PCSK2: variants seen among roughly 807,000 people sequenced by gnomAD.
The protein encoded by PCSK2 is neuroendocrine convertase 2.
In PCSK2, 14 loss-of-function variants were observed where a neutral mutation model predicts 69.7. That is an observed-to-expected ratio of 0.20 (90% confidence interval 0.13 to 0.31). PCSK2 has a LOEUF of 0.31. Among genes scored for constraint, PCSK2 ranks in the 10% least tolerant of loss-of-function variants. The pLI is 1.00. For synonymous variants in PCSK2, 307 were observed against 320.7 expected (o/e 0.96, Z 0.46); for missense variants, 544 against 842.5 (o/e 0.65, Z 4.39).
intron 2 of PCSK2, among the ~76,000 whole-genome samples, chr20:17,271,448 A>G (rs1183481627): frequency 6.6e-6 from 1 of 152,144 alleles, no homozygotes; most frequent in Non-Finnish European, 1.5e-5. Flanking sequence ...TCTTTAGCCT[A>G]GTCAATCAGT....
At chr20:17,429,379 G>A in intron 6 of PCSK2, 56 bp from the exon 7 acceptor site, 1 of 1,299,050 alleles carries the variant, frequency 7.7e-7, no homozygotes, top group African/African-American at 1.5e-5. Context: ...GCCCATGAGA[G>A]ATCTAGCCAA....
chr20:17,440,248 C>T (rs191530893), intron 8 of PCSK2, among the ~76,000 whole-genome samples: 5 of 152,272 alleles, frequency 3.3e-5, no homozygotes, highest in South Asian at 2.1e-4. Context: ...AAAACCTCAG[C>T]GCCTCCTCCC....
chr20:17,325,962 C>T (rs888638998), intron 2 of PCSK2, among the ~76,000 whole-genome samples: 2 of 152,260 alleles, frequency 1.3e-5, no homozygotes, highest in African/African-American at 4.8e-5. Context: ...GGGGCCTAGC[C>T]CAGGCATATT....
chr20:17,404,901 G>T (rs545367081), intron 5 of PCSK2, among the ~76,000 whole-genome samples: 1 of 152,194 alleles, frequency 6.6e-6, no homozygotes, highest in South Asian at 2.1e-4. Flanking sequence ...CAAAAGCAGC[G>T]ACTGGCAATT....
In PCSK2 at chr20:17,481,879, G is replaced by C. The variant is rs528344186; in HGVS notation, c.1726G>C (p.Gly576Arg). 6.2e-7 allele frequency: 1 copy of C among 1,614,016 alleles called. No homozygotes were observed. The change falls in exon 12 of 12, where the codon GGC becomes CGC. Residue 576 changes from glycine to arginine, a missense_variant. Physicochemically the swap from Gly to Arg is moderately radical, Grantham distance 125. Coordinates refer to ENST00000262545, the MANE Select transcript of PCSK2 (RefSeq NM_002594.5). ...CTGGACCCTGGAGCTGGGATTTGTCGGCAGCGCCCCGCAGAAGGGGGTGCT... is the reference window on the plus strand; with the variant it reads ...CTGGACCCTGGAGCTGGGATTTGTCCGCAGCGCCCCGCAGAAGGGGGTGCT... Reference protein sequence around the residue: ...GTWTLELGFVGSAPQKGVLKE... With the variant: ...GTWTLELGFVRSAPQKGVLKE...
intron 1 of PCSK2, among the ~76,000 whole-genome samples, chr20:17,238,729 TG>T (rs1311542892): frequency 2.6e-5 from 4 of 152,200 alleles, no homozygotes; most frequent in Admixed American, 6.5e-5. Flanking sequence ...TTTTTTGGTT[TG>T]TTTTTTTACC....
chr20:17,479,816 A>C (rs76704634), intron 11 of PCSK2, among the ~76,000 whole-genome samples: 1 of 139,866 alleles, frequency 7.1e-6, no homozygotes, highest in Non-Finnish European at 1.6e-5. Flanking sequence ...AAAAAAAAAA[A>C]AAAAAGAACT....
chr20:17,417,021 A>AGGGGGTGTGGCAGACT (rs1349340780), intron 6 of PCSK2, among the ~76,000 whole-genome samples: 4 of 152,066 alleles, frequency 2.6e-5, no homozygotes, highest in African/African-American at 9.7e-5. Context: ...AGGGCCTGTC[A>AGGGGGTGTGGCAGACT]GGGGGTGTGG....
chr20:17,325,873 GCCA>G (rs1990033895), intron 2 of PCSK2, among the ~76,000 whole-genome samples: 1 of 152,008 alleles, frequency 6.6e-6, no homozygotes, highest in African/African-American at 2.4e-5. Flanking sequence ...TTCTTCTCAA[GCCA>G]CCAGTGGGCT....
chr20:17,256,820 T>C (rs1289028903), intron 1 of PCSK2, among the ~76,000 whole-genome samples: 1 of 152,064 alleles, frequency 6.6e-6, no homozygotes, highest in African/African-American at 2.4e-5. Context: ...CCCTTTCTGT[T>C]TCCATGTGTT....
At chr20:17,478,716 TA>T (rs2123423096) in intron 11 of PCSK2, among the ~76,000 whole-genome samples, 1 of 152,372 alleles carries the variant, frequency 6.6e-6, no homozygotes, top group African/African-American at 2.4e-5. Flanking sequence ...TATTTGTTCA[TA>T]TATTTATTCC....
intron 1 of PCSK2, among the ~76,000 whole-genome samples, chr20:17,230,610 T>C (rs1986111406): frequency 6.6e-6 from 1 of 152,226 alleles, no homozygotes; most frequent in African/African-American, 2.4e-5. Context: ...TTTATTATAT[T>C]TATCATTTAT....
intron 2 of PCSK2, among the ~76,000 whole-genome samples, chr20:17,356,438 C>T (rs1024480118): frequency 1.7e-4 from 26 of 152,162 alleles, no homozygotes; most frequent in African/African-American, 5.5e-4. Flanking sequence ...AGCTTCAGGC[C>T]TTCTCATGTC....
chr20:17,466,991 A>T (rs2033114438), intron 11 of PCSK2, among the ~76,000 whole-genome samples: 1 of 152,106 alleles, frequency 6.6e-6, no homozygotes, highest in Admixed American at 6.5e-5. Context: ...TTGAGAATAC[A>T]CCTCCGTGGC....
chr20:17,285,658 A>G (rs1351413905), intron 2 of PCSK2, among the ~76,000 whole-genome samples: 1 of 152,232 alleles, frequency 6.6e-6, no homozygotes, highest in African/African-American at 2.4e-5. Flanking sequence ...GCCACATAAG[A>G]GCAGTAGCCT....
At chr20:17,243,800 A>G (rs973043580) in intron 1 of PCSK2, among the ~76,000 whole-genome samples, 1 of 152,184 alleles carries the variant, frequency 6.6e-6, no homozygotes, top group Non-Finnish European at 1.5e-5. Context: ...GATGATCCCA[A>G]TTGAGAGACA....
At chr20:17,475,855 G>A (rs1458349577) in intron 11 of PCSK2, among the ~76,000 whole-genome samples, 1 of 152,156 alleles carries the variant, frequency 6.6e-6, no homozygotes, top group Non-Finnish European at 1.5e-5. Context: ...TTGTTGGCTT[G>A]TGAATTTCCT....
intron 10 of PCSK2, among the ~76,000 whole-genome samples, chr20:17,458,629 A>G (rs2032964081): frequency 6.6e-6 from 1 of 152,186 alleles, no homozygotes; most frequent in African/African-American, 2.4e-5. Flanking sequence ...ATCTTGAGAT[A>G]AGGTTACAGG....
chr20:17,309,136 A>G (rs2123107998), intron 2 of PCSK2, among the ~76,000 whole-genome samples: 1 of 152,310 alleles, frequency 6.6e-6, no homozygotes, highest in South Asian at 2.1e-4. Context: ...GAGACAGATC[A>G]TGGAGGGCTT....
Sources: gnomAD v4.1 joint callset for allele counts (sites outside exome capture counted in the v4.1 genomes callset) on GRCh38, gnomAD v4.1.1 for gene constraint, MANE v1.5 for transcripts, NCBI Gene and HGNC (gene_info 2026-07-23, HGNC 2026-07-21) for gene names.